Variants in PIGN observed in about 807,000 individuals in gnomAD.
PIGN encodes the protein GPI ethanolamine phosphate transferase 1.
A neutral mutation model predicts 125.4 loss-of-function variants in PIGN; 117 were observed. The observed-to-expected ratio is 0.93, with a 90% CI of 0.80 to 1.09. PIGN has a LOEUF of 1.09. Ranked by LOEUF, PIGN falls within the 50% of genes least tolerant of loss-of-function variation. PIGN has a pLI of 0.00. For synonymous variants in PIGN, 392 were observed against 377.8 expected (o/e 1.04, Z -0.44); for missense variants, 1,075 against 1,094.9 (o/e 0.98, Z 0.26).
chr18:62,078,039 T>G (rs149066747), intron 28 of PIGN, among the ~76,000 whole-genome samples: 375 of 152,318 alleles, frequency 2.5e-3, no homozygotes, highest in African/African-American at 7.9e-3. Context: ...TCACCTCATT[T>G]TAGTTACCTA....
At chr18:62,157,359 A>G in intron 5 of PIGN, 132 bp from the exon 6 acceptor site, 2 of 546,894 alleles carry the variant, frequency 3.7e-6, no homozygotes, top group East Asian at 5.8e-5. Flanking sequence ...TATATTATGC[A>G]TATTATACCA....
At chr18:62,167,665 T>G (rs554045129) in intron 1 of PIGN, among the ~76,000 whole-genome samples, 17 of 140,146 alleles carry the variant, frequency 1.2e-4, no homozygotes, top group African/African-American at 3.5e-4. Flanking sequence ...CAAAGTTATA[T>G]GTCTCCATAA....
chr18:62,177,396 C>CTCGT (rs1353852672), intron 1 of PIGN, among the ~76,000 whole-genome samples: 3 of 152,150 alleles, frequency 2.0e-5, no homozygotes, highest in African/African-American at 7.2e-5. Flanking sequence ...ATGCTCTTAT[C>CTCGT]TCGTTCATAC....
intron 27 of PIGN, among the ~76,000 whole-genome samples, chr18:62,083,202 C>T (rs554767665): frequency 3.3e-5 from 5 of 151,798 alleles, no homozygotes; most frequent in African/African-American, 9.7e-5. Context: ...TTAATCTTTG[C>T]CTTTTTTAAA....
chr18:62,180,975 T>C (rs1456479661), intron 1 of PIGN, among the ~76,000 whole-genome samples: 1 of 152,166 alleles, frequency 6.6e-6, no homozygotes, highest in Non-Finnish European at 1.5e-5. Context: ...CCTTTCATTA[T>C]TTAAAATTTA....
chr18:62,180,000 C>G (rs2037660877), intron 1 of PIGN, among the ~76,000 whole-genome samples: 3 of 152,186 alleles, frequency 2.0e-5, no homozygotes, highest in Admixed American at 1.3e-4. Flanking sequence ...TAATTGAACA[C>G]TATCCTGCTG....
chr18:62,174,083 G>T (rs1253787788), intron 1 of PIGN, among the ~76,000 whole-genome samples: 1 of 151,860 alleles, frequency 6.6e-6, no homozygotes, highest in South Asian at 2.1e-4. Flanking sequence ...GCATGGTGGC[G>T]GGCACCTGTA....
chr18:62,106,900 G>A lies in PIGN; in HGVS notation c.1675-19C>T. 1 of 1,581,658 alleles carries A rather than the reference G, an allele frequency of 6.3e-7. No homozygotes were observed. The highest frequency in any genetic ancestry group is 8.6e-7 in the Non-Finnish European group (1 of 1,157,818). Reference sequence around the variant, plus strand: ...TGAGAACCTAGTAATGCATTCCAAAGAAGGAATGAAAAATAAGGTCATTTA... The same window carrying A: ...TGAGAACCTAGTAATGCATTCCAAAAAAGGAATGAAAAATAAGGTCATTTA... On this transcript the variant is annotated intron_variant, in intron 18 of 30. Transcript: ENST00000640252.
At chr18:62,059,122 G>A (rs2145350147) in intron 30 of PIGN, 1 of 147,726 alleles carries the variant, frequency 6.8e-6, no homozygotes. Context: ...CAGCCTACAA[G>A]GTGGAAGCTG....
intron 14 of PIGN, among the ~76,000 whole-genome samples, chr18:62,129,575 AAC>A (rs1249428320): frequency 6.6e-6 from 1 of 152,150 alleles, no homozygotes; most frequent in Non-Finnish European, 1.5e-5. Flanking sequence ...TTCTTACAAA[AAC>A]AGTCACTCAT....
At chr18:62,034,459 A>G (rs7227819) in intron 23 of PIGN, among the ~76,000 whole-genome samples, 51,749 of 151,976 alleles carry the variant, frequency 0.34, 9,031 homozygotes, top group Admixed American at 0.38. Context: ...CACCTGAAAA[A>G]GCCACAGACA....
chr18:62,096,068 G>C (rs1378834125), intron 22 of PIGN, 118 bp from the exon 23 acceptor site: 2 of 544,940 alleles, frequency 3.7e-6, no homozygotes, highest in Non-Finnish European at 6.8e-6. Context: ...GCCGAGGTGG[G>C]CAGATCACCT....
chr18:62,148,276 T>A lies in PIGN; in HGVS notation c.612A>T (p.Ile204=). 6.5e-7 allele frequency: 1 copy of A among 1,535,832 alleles called. No homozygotes were observed. Among genetic ancestry groups the A allele is most frequent in the Non-Finnish European group, 8.8e-7 (1 of 1,137,714 alleles). The part of the protein sequence containing the change: ...SLFSKINEEK[I]VFFLHLLGID... ...TTCCTAATAAATGTAAGAAAAAAAC[T>A]ATTTTCTCTTCATTTATTTTAGAAA... The change falls in exon 8 of 31, where the codon ATA becomes ATT. Residue 204 remains isoleucine (I), a synonymous_variant. Transcript: ENST00000640252.
In PIGN at chr18:62,110,079, G is replaced by A. The variant is rs1290189587; in HGVS notation, c.1435-106C>T. ...GAAAACCTATTACTTTCTTTCAATG[G>A]TTATACTACTAGATGATTAATCAAA... On this transcript the variant is annotated intron_variant, in intron 16 of 30. Transcript: ENST00000640252. 7.3e-6 allele frequency: 7 copies of A among 957,108 alleles called. No homozygotes were observed. The Admixed American group carries it at 1.7e-4, about 23-fold the overall frequency. 59.3% of individuals were successfully genotyped at this position (957,108 alleles called of 1,614,324 possible).
chr18:62,146,921 T>C, intron 9 of PIGN, 50 bp downstream of exon 9: 4 of 1,570,206 alleles, frequency 2.5e-6, no homozygotes, highest in Non-Finnish European at 3.5e-6. Flanking sequence ...ACCAGCTACA[T>C]TTATCACTAC....
intron 30 of PIGN, among the ~76,000 whole-genome samples, chr18:62,049,223 T>C (rs536145410): frequency 6.6e-6 from 1 of 152,314 alleles, no homozygotes; most frequent in East Asian, 1.9e-4. Flanking sequence ...TACTCAGTAA[T>C]GGGATGGCTG....
At chr18:62,105,171 C>T (rs2034587303) in intron 20 of PIGN, 1 of 158,852 alleles carries the variant, frequency 6.3e-6, no homozygotes, top group African/African-American at 2.4e-5. Context: ...GCAAAGAGGG[C>T]TAACACAGTA....
intron 27 of PIGN, 59 bp downstream of exon 27, chr18:62,084,472 G>A (rs1321180568): frequency 1.1e-5 from 12 of 1,100,318 alleles, no homozygotes; most frequent in Middle Eastern, 2.0e-4. Context: ...CTGTCTAAAT[G>A]ACTTTATAAT....
chr18:62,151,476 C>G (rs1047337594), intron 7 of PIGN, among the ~76,000 whole-genome samples: 1 of 152,126 alleles, frequency 6.6e-6, no homozygotes, highest in Admixed American at 6.5e-5. Flanking sequence ...GGAAAGAAAG[C>G]CTCGGATAGG....
Sources: allele counts gnomAD v4.1 joint callset (sites outside exome capture counted in the v4.1 genomes callset), GRCh38; gene constraint gnomAD v4.1.1; transcripts MANE v1.5; gene names NCBI Gene and HGNC (gene_info 2026-07-23, HGNC 2026-07-21).